SPOCK3: variants seen among roughly 807,000 people sequenced by gnomAD.
The protein encoded by SPOCK3 is SPARC (osteonectin), cwcv and kazal like domains proteoglycan 3, also known as testican-3.
In SPOCK3, 30 loss-of-function variants were observed where a neutral mutation model predicts 56.6. That is an observed-to-expected ratio of 0.53 (90% CI 0.40 to 0.72). The LOEUF (loss-of-function observed/expected upper bound fraction) is 0.72, where lower values mean the gene tolerates loss of function less well. Ranked by LOEUF, SPOCK3 falls within the 30% of genes least tolerant of loss-of-function variation. The pLI is 0.00. For synonymous variants in SPOCK3, 196 were observed against 183.3 expected (o/e 1.07, Z -0.56); for missense variants, 527 against 530.0 (o/e 0.99, Z 0.06).
chr4:167,151,682 G>A (rs1252052273), intron 2 of SPOCK3, among the ~76,000 whole-genome samples: 2 of 152,084 alleles, frequency 1.3e-5, no homozygotes, highest in South Asian at 2.1e-4. Flanking sequence ...TGATCCGCCC[G>A]TCTCGGCCTC....
At chr4:166,784,705 G>A (rs1740550356) in intron 7 of SPOCK3, among the ~76,000 whole-genome samples, 1 of 152,094 alleles carries the variant, frequency 6.6e-6, no homozygotes, top group Non-Finnish European at 1.5e-5. Flanking sequence ...TGTGAAGACA[G>A]CATGACATAA....
intron 8 of SPOCK3, among the ~76,000 whole-genome samples, chr4:166,749,811 T>C (rs1040675825): frequency 2.6e-5 from 4 of 152,112 alleles, no homozygotes; most frequent in African/African-American, 7.2e-5. Flanking sequence ...TCATATTGTA[T>C]AGTTTTTTAT....
At chr4:166,814,181 G>A (rs1376356586) in intron 6 of SPOCK3, among the ~76,000 whole-genome samples, 1 of 152,052 alleles carries the variant, frequency 6.6e-6, no homozygotes, top group Non-Finnish European at 1.5e-5. Flanking sequence ...GCAATTTTGT[G>A]AAAGTTTCAG....
chr4:166,999,323 T>C (rs1561102312), intron 4 of SPOCK3, among the ~76,000 whole-genome samples: 1 of 152,188 alleles, frequency 6.6e-6, no homozygotes, highest in East Asian at 1.9e-4. Flanking sequence ...CTAATCCTTT[T>C]GGCATGTACA....
intron 4 of SPOCK3, among the ~76,000 whole-genome samples, chr4:166,917,601 G>T (rs1005445053): frequency 6.6e-6 from 1 of 152,072 alleles, no homozygotes; most frequent in African/African-American, 2.4e-5. Context: ...GTTTATAACT[G>T]CATCCTATAC....
At chr4:167,223,976 A>G (rs1472150389) in intron 2 of SPOCK3, among the ~76,000 whole-genome samples, 2 of 152,086 alleles carry the variant, frequency 1.3e-5, no homozygotes, top group East Asian at 3.8e-4. Flanking sequence ...CATTCTCTAC[A>G]GCCATAGTGA....
chr4:167,202,159 A>C (rs1486229645), intron 2 of SPOCK3, among the ~76,000 whole-genome samples: 2 of 151,962 alleles, frequency 1.3e-5, no homozygotes, highest in Non-Finnish European at 2.9e-5. Flanking sequence ...GTTTGGATTA[A>C]GTGTTAAACT....
chr4:167,217,004 T>A (rs181942023), intron 2 of SPOCK3, among the ~76,000 whole-genome samples: 20 of 152,212 alleles, frequency 1.3e-4, no homozygotes, highest in African/African-American at 4.6e-4. Flanking sequence ...AGAGATAAAC[T>A]ACATTGCCAA....
intron 2 of SPOCK3, among the ~76,000 whole-genome samples, chr4:167,111,326 A>C (rs1006075357): frequency 5.3e-5 from 8 of 152,086 alleles, no homozygotes; most frequent in African/African-American, 1.9e-4. Context: ...GCACAATCCT[A>C]GAAAGGTTTT....
chr4:166,958,121 G>A (rs1183899692), intron 4 of SPOCK3, among the ~76,000 whole-genome samples: 4 of 152,140 alleles, frequency 2.6e-5, no homozygotes, highest in African/African-American at 9.7e-5. Context: ...GACCATGGGG[G>A]TGGATTTCTC....
chr4:166,956,923 C>A (rs1347554826), intron 4 of SPOCK3, among the ~76,000 whole-genome samples: 1 of 152,128 alleles, frequency 6.6e-6, no homozygotes, highest in Non-Finnish European at 1.5e-5. Context: ...AGCAGCATCC[C>A]AACTCTTCCC....
At chr4:167,154,235 A>C (rs1323252091) in intron 2 of SPOCK3, among the ~76,000 whole-genome samples, 4 of 151,826 alleles carry the variant, frequency 2.6e-5, no homozygotes, top group African/African-American at 9.7e-5. Flanking sequence ...CACACACACA[A>C]TGTTTATGAA....
chr4:167,044,054 G>A (rs150292282), intron 3 of SPOCK3, among the ~76,000 whole-genome samples: 2 of 152,118 alleles, frequency 1.3e-5, no homozygotes, highest in East Asian at 3.9e-4. Flanking sequence ...GAACTCACCA[G>A]TATATCCAAC....
At chr4:166,837,945 G>A (rs1746806512) in intron 6 of SPOCK3, among the ~76,000 whole-genome samples, 3 of 152,126 alleles carry the variant, frequency 2.0e-5, no homozygotes, top group Admixed American at 2.0e-4. Flanking sequence ...CTTGACAAAG[G>A]ATTCTGGGTT....
intron 4 of SPOCK3, among the ~76,000 whole-genome samples, chr4:166,927,432 G>A (rs181787750): frequency 2.4e-4 from 36 of 152,128 alleles, no homozygotes; most frequent in Non-Finnish European, 4.1e-4. Context: ...TTCACCTTTC[G>A]CCATGATTGT....
intron 2 of SPOCK3, among the ~76,000 whole-genome samples, chr4:167,209,174 G>A (rs1473040811): frequency 6.6e-6 from 1 of 151,930 alleles, no homozygotes; most frequent in African/African-American, 2.4e-5. Flanking sequence ...TGTGCTTCTC[G>A]GACTGGGGTT....
chr4:167,234,450 CTTG>C lies in SPOCK3; in HGVS notation c.-4_-2del. On this transcript the variant is annotated splice_region_variant and 5_prime_UTR_variant, in exon 1 of 11. Transcript: ENST00000357545. ...ACAAAACCGCTTCCTGGCACATCAC[CTTG>C]TTGTGAGCCAGCACTGTGCTCGCAG... The C allele has an allele frequency of 3.7e-6, 2 of 540,282 alleles. No homozygotes were observed. Among genetic ancestry groups the C allele is most frequent in the Non-Finnish European group, 3.3e-6 (1 of 299,212 alleles). 33.5% of individuals were successfully genotyped at this position (540,282 alleles called of 1,614,324 possible).
intron 2 of SPOCK3, among the ~76,000 whole-genome samples, chr4:167,189,100 C>A (rs1427215665): frequency 6.9e-6 from 1 of 145,522 alleles, no homozygotes. Flanking sequence ...TTAACCTCAC[C>A]CCAAAATCAA....
At chr4:167,213,940 T>TA (rs1488951992) in intron 2 of SPOCK3, among the ~76,000 whole-genome samples, 1 of 152,184 alleles carries the variant, frequency 6.6e-6, no homozygotes, top group Non-Finnish European at 1.5e-5. Context: ...CTGCTTGATT[T>TA]AAATATTTGT....
Sources: allele counts gnomAD v4.1 joint callset (sites outside exome capture counted in the v4.1 genomes callset), GRCh38; gene constraint gnomAD v4.1.1; transcripts MANE v1.5; gene names NCBI Gene and HGNC (gene_info 2026-07-23, HGNC 2026-07-21).